The following COQ5 variants were observed in gnomAD, a reference collection of about 807,000 sequenced individuals.
COQ5 encodes the protein 2-methoxy-6-polyprenyl-1,4-benzoquinol methylase, mitochondrial.
COQ5 carries 27 observed loss-of-function variants against 40.5 expected under a neutral mutation model. The observed-to-expected ratio is 0.67, with a 90% CI of 0.49 to 0.92. The LOEUF (loss-of-function observed/expected upper bound fraction) is 0.92, where lower values mean the gene tolerates loss of function less well. COQ5 is among the 40% of genes least tolerant of loss of function. The pLI, the probability that COQ5 is intolerant of heterozygous loss-of-function variation, is 0.00. For missense variants in COQ5, 409 were observed against 406.4 expected, an observed-to-expected ratio of 1.01 and a Z score of -0.06; for synonymous variants, 141 against 150.0, an observed-to-expected ratio of 0.94 and a Z score of 0.44.
intron 1 of COQ5, among the ~76,000 whole-genome samples, chr12:120,528,055 A>C (rs756228085): frequency 8.1e-5 from 12 of 147,764 alleles, no homozygotes; most frequent in South Asian, 4.4e-4. Flanking sequence ...TACAAAAATT[A>C]GCAGGGCACA....
chr12:120,514,532 G>A (rs949020617), intron 3 of COQ5, among the ~76,000 whole-genome samples: 21 of 151,952 alleles, frequency 1.4e-4, no homozygotes, highest in African/African-American at 4.8e-4. Context: ...CATGAGACCA[G>A]GAGTTCGAGA....
At position 120,503,514 on chromosome 12, in the gene COQ5, C is replaced by T; in HGVS notation, c.*270G>A. The T allele has an allele frequency of 1.7e-6, 1 of 582,690 alleles. No homozygotes were observed. Among genetic ancestry groups the T allele is most frequent in the Middle Eastern group, 2.7e-4 (1 of 3,758 alleles). 36.1% of individuals were successfully genotyped at this position (582,690 alleles called of 1,614,324 possible). A position where few individuals can be genotyped will look rare whatever the true frequency, so the allele number is the denominator to read the frequency against. On this transcript the variant is annotated 3_prime_UTR_variant, in exon 7 of 7. Coordinates refer to ENST00000288532, the MANE Select transcript of COQ5 (RefSeq NM_032314.4). ...AGCTTTAGGGGTGGTTGTACCTTAA[C>T]CACACACCCTACAGCCAAGAGAAAT... is the stretch of plus-strand genomic sequence containing the variant.
chr12:120,525,780 C>T (rs558085506), intron 1 of COQ5, among the ~76,000 whole-genome samples: 22 of 151,940 alleles, frequency 1.4e-4, no homozygotes, highest in African/African-American at 5.1e-4. Flanking sequence ...AAAAAACTAG[C>T]TGGGCGTGGT....
chr12:120,513,189 C>A (rs1235050216), intron 3 of COQ5, among the ~76,000 whole-genome samples: 1 of 149,170 alleles, frequency 6.7e-6, no homozygotes, highest in African/African-American at 2.5e-5. Context: ...AAACACATAA[C>A]CATGCTATAC....
chr12:120,508,673 G>C (rs995846372), intron 4 of COQ5, among the ~76,000 whole-genome samples: 3 of 152,360 alleles, frequency 2.0e-5, no homozygotes, highest in Non-Finnish European at 4.4e-5. Context: ...GAGGAGGCAA[G>C]GATGGGAGGG....
At chr12:120,518,807 C>T (rs1869511390) in intron 2 of COQ5, among the ~76,000 whole-genome samples, 1 of 152,250 alleles carries the variant, frequency 6.6e-6, no homozygotes, top group South Asian at 2.1e-4. Flanking sequence ...TCGTGATCCA[C>T]ACGCCTCAGC....
At chr12:120,516,481 A>G in intron 3 of COQ5, 86 bp downstream of exon 3, 4 of 1,177,574 alleles carry the variant, frequency 3.4e-6, no homozygotes, top group Non-Finnish European at 5.1e-6. Context: ...AAGCCAAAAG[A>G]TAAAGCATTT....
At chr12:120,510,318 TA>T (rs1217395815) in intron 3 of COQ5, among the ~76,000 whole-genome samples, 195 bp from the exon 4 acceptor site, 1 of 152,168 alleles carries the variant, frequency 6.6e-6, no homozygotes, top group African/African-American at 2.4e-5. Context: ...CAATCATTAT[TA>T]TTTTTTTTAG....
At chr12:120,518,083 A>G (rs1323588903) in intron 2 of COQ5, among the ~76,000 whole-genome samples, 1 of 152,118 alleles carries the variant, frequency 6.6e-6, no homozygotes, top group African/African-American at 2.4e-5. Flanking sequence ...CTGGGATTAC[A>G]GGCATGAGCC....
chr12:120,512,525 G>A (rs922234032), intron 3 of COQ5, among the ~76,000 whole-genome samples: 4 of 151,910 alleles, frequency 2.6e-5, no homozygotes, highest in East Asian at 1.9e-4. Flanking sequence ...CGCTTGAACC[G>A]GGAGGCGGAG....
At chr12:120,511,912 A>G (rs982737895) in intron 3 of COQ5, among the ~76,000 whole-genome samples, 16 of 152,190 alleles carry the variant, frequency 1.1e-4, no homozygotes, top group Non-Finnish European at 1.9e-4. Context: ...GAAGAATAGC[A>G]TAAAAAATAA....
chr12:120,522,863 G>T, intron 1 of COQ5: 1 of 714,902 alleles, frequency 1.4e-6, no homozygotes, highest in Non-Finnish European at 2.5e-6. Flanking sequence ...CACCCTTTGG[G>T]ATCTCGGGCT....
At chr12:120,522,403 A>G (rs200197933) in intron 1 of COQ5, 40 bp from the exon 2 acceptor site, 2 of 1,602,922 alleles carry the variant, frequency 1.2e-6, no homozygotes, top group African/African-American at 2.7e-5. Context: ...CTATTAACAG[A>G]ATTCCCTTAG....
intron 3 of COQ5, among the ~76,000 whole-genome samples, chr12:120,514,402 C>T (rs1445264733): frequency 1.3e-5 from 2 of 152,006 alleles, no homozygotes; most frequent in African/African-American, 4.8e-5. Context: ...CTCACAGTGG[C>T]CATCTGTGGT....
Position 120,521,312 on chromosome 12 carries a change from C to A in COQ5, c.352+902G>T, listed in dbSNP as rs569311727. On this transcript the variant is annotated intron_variant, in intron 2 of 6. Transcript: ENST00000288532. ...GAACTCCTGACCTTAGGCAATCCAC[C>A]CACCGTGGCCACCCAAAGTGCTGGG... Among the ~76,000 whole-genome samples the A allele has an allele frequency of 9.7e-4, 147 of 152,110 alleles. 1 individual carries two copies. Among genetic ancestry groups the A allele is most frequent in the African/African-American group, 3.3e-3 (139 of 41,556 alleles).
At chr12:120,519,525 A>G (rs963663684) in intron 2 of COQ5, among the ~76,000 whole-genome samples, 1 of 151,844 alleles carries the variant, frequency 6.6e-6, no homozygotes, top group African/African-American at 2.4e-5. Flanking sequence ...ATGCCATTGC[A>G]CTCCAGCCGG....
At chr12:120,518,426 CAAAAAAAAAAA>C (rs1216184668) in intron 2 of COQ5, among the ~76,000 whole-genome samples, 1 of 71,478 alleles carries the variant, frequency 1.4e-5, no homozygotes, top group Non-Finnish European at 2.6e-5. Context: ...AGACCGTTTC[CAAAAAAAAAAA>C]AAAAAAAAAG....
At chr12:120,513,394 G>A (rs1278012948) in intron 3 of COQ5, among the ~76,000 whole-genome samples, 1 of 150,936 alleles carries the variant, frequency 6.6e-6, no homozygotes, top group Non-Finnish European at 1.5e-5. Flanking sequence ...CCCAGCTGCT[G>A]CGGAGGCTGA....
chr12:120,517,611 G>A (rs1190588139), intron 2 of COQ5, among the ~76,000 whole-genome samples: 10 of 147,330 alleles, frequency 6.8e-5, no homozygotes, highest in African/African-American at 2.5e-4. Context: ...GAACCCAGGA[G>A]GCAGAGCTTG....
Sources: allele counts gnomAD v4.1 joint callset (sites outside exome capture counted in the v4.1 genomes callset), GRCh38; gene constraint gnomAD v4.1.1; transcripts MANE v1.5; gene names NCBI Gene and HGNC (gene_info 2026-07-23, HGNC 2026-07-21).